The following CCBE1 variants were observed in gnomAD, a reference collection of about 807,000 sequenced individuals.
CCBE1 encodes the protein collagen and calcium-binding EGF domain-containing protein 1.
In CCBE1, 37 loss-of-function variants were observed where a neutral mutation model predicts 50.0. The ratio of observed to expected loss-of-function variants is 0.74; its 90% CI spans 0.57 to 0.97. The LOEUF (loss-of-function observed/expected upper bound fraction) is 0.97, where lower values mean the gene tolerates loss of function less well. Ranked by LOEUF, CCBE1 falls within the 50% of genes least tolerant of loss-of-function variation. The probability of loss-of-function intolerance (pLI) is 0.00; values close to 1 mark genes in which losing one functional copy is unlikely to be tolerated. For synonymous variants in CCBE1, 234 were observed against 203.7 expected, an observed-to-expected ratio of 1.15 and a Z score of -1.27; for missense variants, 538 against 523.8, an observed-to-expected ratio of 1.03 and a Z score of -0.26.
intron 2 of CCBE1, among the ~76,000 whole-genome samples, chr18:59,546,830 A>G (rs896791582): frequency 2.0e-5 from 3 of 152,136 alleles, no homozygotes; most frequent in South Asian, 2.1e-4. Flanking sequence ...TTTTATCTAA[A>G]TCAACAGAAC....
chr18:59,509,815 AT>A (rs372041679), intron 2 of CCBE1, among the ~76,000 whole-genome samples: 52,738 of 152,168 alleles, frequency 0.35, 9,641 homozygotes, highest in East Asian at 0.45. Flanking sequence ...GATTTACTAA[AT>A]TACTAAATTA....
chr18:59,470,738 A>G (rs1911993586), intron 3 of CCBE1, among the ~76,000 whole-genome samples: 1 of 152,160 alleles, frequency 6.6e-6, no homozygotes, highest in Non-Finnish European at 1.5e-5. Flanking sequence ...CGGAGCCAGC[A>G]CCTCATTAAT....
intron 2 of CCBE1, among the ~76,000 whole-genome samples, chr18:59,638,314 G>A (rs577047389): frequency 6.6e-6 from 1 of 152,256 alleles, no homozygotes; most frequent in Admixed American, 6.5e-5. Flanking sequence ...AAACTTTATG[G>A]TGAAATGTCT....
chr18:59,513,883 G>C (rs1914246348), intron 2 of CCBE1, among the ~76,000 whole-genome samples: 1 of 152,128 alleles, frequency 6.6e-6, no homozygotes, highest in African/African-American at 2.4e-5. Context: ...CAGGAAGCAG[G>C]GGGAGAGAAG....
chr18:59,596,442 C>A (rs73961275), intron 2 of CCBE1, among the ~76,000 whole-genome samples: 1,969 of 152,178 alleles, frequency 0.013, 59 homozygotes, highest in African/African-American at 0.045. Flanking sequence ...ATACCTAGAT[C>A]ATTTAGTAGT....
At chr18:59,468,942 G>T (rs1911889289) in intron 4 of CCBE1, among the ~76,000 whole-genome samples, 2 of 151,694 alleles carry the variant, frequency 1.3e-5, no homozygotes. Context: ...GAGCCATAAA[G>T]CTGCCTTAGA....
At chr18:59,514,356 G>A (rs7241148) in intron 2 of CCBE1, among the ~76,000 whole-genome samples, 54,031 of 151,814 alleles carry the variant, frequency 0.36, 10,445 homozygotes, top group East Asian at 0.5. Context: ...TCCTCCATCC[G>A]CACGTGGCCC....
intron 2 of CCBE1, among the ~76,000 whole-genome samples, chr18:59,549,584 C>T (rs533579184): frequency 6.6e-6 from 1 of 152,266 alleles, no homozygotes; most frequent in Non-Finnish European, 1.5e-5. Context: ...GACCTTACTC[C>T]AAGTCCCACT....
At position 59,560,112 on chromosome 18, in the gene CCBE1, G is replaced by A. The variant is rs140398156; in HGVS notation, c.213-79874C>T. Among the ~76,000 whole-genome samples the A allele has an allele frequency of 4.7e-4, 71 of 152,352 alleles. 1 individual carries two copies. Among genetic ancestry groups the A allele is most frequent in the Middle Eastern group, 6.8e-3 (2 of 294 alleles). On this transcript the variant is annotated intron_variant, in intron 2 of 10. Transcript: ENST00000439986. ...CTTGCCTGGGAGTTGGGATGACAAGGCTGGAACAGCCTTTCTGGTAGCCAG... is the reference window on the plus strand; with the variant it reads ...CTTGCCTGGGAGTTGGGATGACAAGACTGGAACAGCCTTTCTGGTAGCCAG...
At chr18:59,547,816 G>A (rs1915765861) in intron 2 of CCBE1, among the ~76,000 whole-genome samples, 1 of 152,222 alleles carries the variant, frequency 6.6e-6, no homozygotes, top group Non-Finnish European at 1.5e-5. Context: ...GAGTGCTGGG[G>A]CACTAGGAAG....
chr18:59,655,567 C>T (rs551176459), intron 2 of CCBE1, among the ~76,000 whole-genome samples: 1 of 152,346 alleles, frequency 6.6e-6, no homozygotes, highest in East Asian at 1.9e-4. Context: ...TTCCCCTCAG[C>T]TCTGCTCCTG....
Position 59,506,984 on chromosome 18 carries a change from T to C in CCBE1, c.213-26746A>G, listed in dbSNP as rs142584520. ...CCTCTCTTTCAGCCCCTCTACTCTTTCCTTCTGTCTCCATGCTCAGCCTTC... is the reference window on the plus strand; with the variant it reads ...CCTCTCTTTCAGCCCCTCTACTCTTCCCTTCTGTCTCCATGCTCAGCCTTC... On this transcript the variant is annotated intron_variant, in intron 2 of 10. Coordinates refer to ENST00000439986, the MANE Select transcript of CCBE1 (RefSeq NM_133459.4). Among the ~76,000 whole-genome samples the C allele has an allele frequency of 4.9e-3, 745 of 152,268 alleles. 4 individuals carry two copies. Among genetic ancestry groups the C allele is most frequent in the African/African-American group, 0.016 (685 of 41,538 alleles).
At chr18:59,574,384 A>C (rs1193410336) in intron 2 of CCBE1, among the ~76,000 whole-genome samples, 1 of 152,242 alleles carries the variant, frequency 6.6e-6, no homozygotes, top group Non-Finnish European at 1.5e-5. Context: ...CTTACTTAAT[A>C]AGCCACACTT....
At chr18:59,531,743 A>G (rs1915059583) in intron 2 of CCBE1, among the ~76,000 whole-genome samples, 1 of 152,156 alleles carries the variant, frequency 6.6e-6, no homozygotes, top group Admixed American at 6.5e-5. Context: ...CCCTGTCTCA[A>G]AAACAAAACA....
At chr18:59,498,041 G>C (rs571483999) in intron 2 of CCBE1, among the ~76,000 whole-genome samples, 2 of 152,302 alleles carry the variant, frequency 1.3e-5, no homozygotes, top group East Asian at 3.9e-4. Context: ...ATCAGCACTG[G>C]TGATTCTCCC....
intron 2 of CCBE1, among the ~76,000 whole-genome samples, chr18:59,628,106 C>T (rs1434413223): frequency 6.6e-6 from 1 of 151,930 alleles, no homozygotes; most frequent in East Asian, 1.9e-4. Flanking sequence ...CCCAGCTACT[C>T]GGGAGGCTGA....
intron 2 of CCBE1, among the ~76,000 whole-genome samples, chr18:59,542,016 A>C (rs1175519861): frequency 1.3e-5 from 2 of 152,040 alleles, no homozygotes; most frequent in Non-Finnish European, 2.9e-5. Context: ...GTTTTACAAC[A>C]AATACAAAAA....
chr18:59,645,627 G>A (rs924443831), intron 2 of CCBE1, among the ~76,000 whole-genome samples: 5 of 152,190 alleles, frequency 3.3e-5, no homozygotes, highest in African/African-American at 1.2e-4. Context: ...GAGACATCAT[G>A]AACTAGGACA....
In CCBE1 at chr18:59,433,350, C is replaced by T. The variant is rs1010478494; in HGVS notation, c.*2558G>A. 2 of 151,622 alleles carry T rather than the reference C, an allele frequency of 1.3e-5. No homozygotes were observed. The highest frequency in any genetic ancestry group is 6.6e-5 in the Admixed American group (1 of 15,198). 9.4% of individuals were successfully genotyped at this position (151,622 alleles called of 1,614,324 possible). ...CCTGGGCTCAAGGGATCCTCTCGCTCACTTTTTTTAAAGTGAAAGTTTGCT... is the reference window on the plus strand; with the variant it reads ...CCTGGGCTCAAGGGATCCTCTCGCTTACTTTTTTTAAAGTGAAAGTTTGCT... On this transcript the variant is annotated 3_prime_UTR_variant, in exon 11 of 11. Coordinates refer to ENST00000439986, the MANE Select transcript of CCBE1 (RefSeq NM_133459.4).
Sources: allele counts gnomAD v4.1 joint callset (sites outside exome capture counted in the v4.1 genomes callset), GRCh38; gene constraint gnomAD v4.1.1; transcripts MANE v1.5; gene names NCBI Gene and HGNC (gene_info 2026-07-23, HGNC 2026-07-21).